Variants in PRRT1 observed in about 807,000 individuals in gnomAD.
The protein encoded by PRRT1 is proline rich transmembrane protein 1.
In PRRT1, 8 loss-of-function variants were observed where a neutral mutation model predicts 22.6. That is an observed-to-expected ratio of 0.35 (90% CI 0.21 to 0.64). The LOEUF (loss-of-function observed/expected upper bound fraction) is 0.64, where lower values mean the gene tolerates loss of function less well. PRRT1 is among the 30% of genes least tolerant of loss of function. The pLI is 0.69. For synonymous variants in PRRT1, 176 were observed against 203.6 expected (o/e 0.86, Z 1.15); for missense variants, 315 against 444.5 (o/e 0.71, Z 2.62).
chr6:32,151,977 C>CGGGGGGGG, upstream of PRRT1: 2 of 88,772 alleles, frequency 2.3e-5, no homozygotes, highest in South Asian at 5.1e-5. Flanking sequence ...GGGGGGCGGG[C>CGGGGGGGG]GGAGGGAGAG....
At chr6:32,152,354 GC>G (rs1332890377), upstream of PRRT1, among the ~76,000 whole-genome samples, 1 of 152,056 alleles carries the variant, frequency 6.6e-6, no homozygotes, top group Non-Finnish European at 1.5e-5. Flanking sequence ...CAAATCCTTG[GC>G]CCCAGTTTCC....
upstream of PRRT1, chr6:32,151,964 C>CGGGGGGGGG: frequency 2.8e-5 from 3 of 107,894 alleles, no homozygotes; most frequent in South Asian, 4.8e-5. Flanking sequence ...GGGGGGGGGG[C>CGGGGGGGGG]GGGGGGGGCG....
chr6:32,148,451 G>C lies in PRRT1; in HGVS notation c.*771C>G, dbSNP rs920923719. 4.7e-5 allele frequency: 12 copies of C among 257,978 alleles called. No homozygotes were observed. Among genetic ancestry groups the C allele is most frequent in the African/African-American group, 2.4e-4 (11 of 45,280 alleles). 16.0% of individuals were successfully genotyped at this position (257,978 alleles called of 1,614,324 possible). A position where few individuals can be genotyped will look rare whatever the true frequency, so the allele number is the denominator to read the frequency against. On this transcript the variant is annotated 3_prime_UTR_variant, in exon 4 of 4. Coordinates refer to ENST00000211413, the MANE Select transcript of PRRT1 (RefSeq NM_030651.4). This position sits in a 1 kb window ranked among gnomAD's most constrained non-coding sequence, Gnocchi z 5.7. ...AAGGCGGGGCCGCCGAGGGGAGCGG[G>C]GAGCGGGGACTTGGGAGGTCCATAG...
chr6:32,148,917 G>C lies in PRRT1; in HGVS notation c.*305C>G, dbSNP rs1225342490. The C allele has an allele frequency of 1.1e-5, 7 of 662,310 alleles. No individual in the cohort carries two copies. The highest frequency in any genetic ancestry group is 9.0e-5 in the South Asian group (6 of 66,398). 41.0% of individuals were successfully genotyped at this position (662,310 alleles called of 1,614,324 possible). A position where few individuals can be genotyped will look rare whatever the true frequency, so the allele number is the denominator to read the frequency against. On this transcript the variant is annotated 3_prime_UTR_variant, in exon 4 of 4. Coordinates refer to ENST00000211413, the MANE Select transcript of PRRT1 (RefSeq NM_030651.4). The surrounding 1 kb of genome is among the most constrained non-coding windows in gnomAD (Gnocchi z 5.7). ...GGCGGGGTTTTAGGGACCAAACCGAGGTTGCTCGGTTGGGGGCGCTACACT... is the reference window on the plus strand; with the variant it reads ...GGCGGGGTTTTAGGGACCAAACCGACGTTGCTCGGTTGGGGGCGCTACACT...
rs893267885 is a variant in PRRT1, at chr6:32,149,613, T to C, written c.668A>G (p.Tyr223Cys). The C allele has an allele frequency of 6.2e-7, 1 of 1,612,862 alleles. No individual in the cohort carries two copies. Residue 223 changes from tyrosine to cysteine, a missense_variant, in exon 3 of 4, where the codon TAC (tyrosine) becomes TGC (cysteine). Transcript: ENST00000211413. The surrounding 1 kb of genome is among the most constrained non-coding windows in gnomAD (Gnocchi z 8.7). ...LLEPRRPPHD[Y>C]MPIAVLTTIC... ...GGTGGTCAGCACCGCGATGGGCATG[T>C]AGTCGTGTGGCGGGCGCCTCGGCTC...
chr6:32,149,125 AAACG>A lies in PRRT1; in HGVS notation c.*93_*96del. 1 of 1,284,618 alleles carries A rather than the reference AAACG, an allele frequency of 7.8e-7. No homozygotes were observed. The highest frequency in any genetic ancestry group is 1.1e-6 in the Non-Finnish European group (1 of 897,106). 79.6% of individuals were successfully genotyped at this position (1,284,618 alleles called of 1,614,324 possible). A position where few individuals can be genotyped will look rare whatever the true frequency, so the allele number is the denominator to read the frequency against. On this transcript the variant is annotated 3_prime_UTR_variant, in exon 4 of 4. Coordinates refer to ENST00000211413, the MANE Select transcript of PRRT1 (RefSeq NM_030651.4). This position sits in a 1 kb window ranked among gnomAD's most constrained non-coding sequence, Gnocchi z 8.7. ...ATGTATCCAAGTCTGACGGCCCCAG[AAACG>A]GGTGTGCAGGGCGCCCATTGGGTCC... is the stretch of plus-strand genomic sequence containing the variant.
chr6:32,151,763 G>C, intron 1 of PRRT1, 46 bp downstream of exon 1: 2 of 1,427,914 alleles, frequency 1.4e-6, no homozygotes, highest in Non-Finnish European at 2.0e-6. Context: ...GGGACGGAGA[G>C]TCTGGAGACA....
chr6:32,150,743 T>A lies in PRRT1; in HGVS notation c.183A>T (p.Ala61=), dbSNP rs1175477236. The change falls in exon 2 of 4, where the codon GCA becomes GCT. Residue 61 remains alanine (A), a synonymous_variant. Transcript: ENST00000211413. This position sits in a 1 kb window ranked among gnomAD's most constrained non-coding sequence, Gnocchi z 7.2. ...TGGCCGCGGAAGAGGCCAGGCCCCC[T>A]GCCCCTAAGCGCGGGAGGGTGGCGG... is the stretch of plus-strand genomic sequence containing the variant. ...SGTATLPRLG[A]GGLASSAATA... is the part of the protein sequence containing the mutation. The A allele has an allele frequency of 2.0e-6, 3 of 1,522,332 alleles. No individual in the cohort carries two copies. Among genetic ancestry groups the A allele is most frequent in the Non-Finnish European group, 2.6e-6 (3 of 1,134,370 alleles). 94.3% of individuals were successfully genotyped at this position (1,522,332 alleles called of 1,614,324 possible).
At position 32,148,639 on chromosome 6, in the gene PRRT1, A is replaced by C; in HGVS notation, c.*583T>G. ...CAAAAGGAAAGGTTCTGGGATTAGC[A>C]AGAAAATAGGCAGATACCTGGGTGG... On this transcript the variant is annotated 3_prime_UTR_variant, in exon 4 of 4. Transcript: ENST00000211413. The surrounding 1 kb of genome is among the most constrained non-coding windows in gnomAD (Gnocchi z 5.7). 1 of 364,298 alleles carries C rather than the reference A, an allele frequency of 2.7e-6. No homozygotes were observed. The highest frequency in any genetic ancestry group is 5.5e-6 in the Non-Finnish European group (1 of 183,120). The allele number at this position is 364,298 out of a possible 1,614,324, so 22.6% of individuals were successfully genotyped here.
chr6:32,151,854 C>T lies in PRRT1; in HGVS notation c.-27G>A. ...CCTGCGGTCTCGCTGGGACAGGGTC[C>T]CTGCAGCCGGAGTGGGGGTCCTCGG... On this transcript the variant is annotated 5_prime_UTR_variant, in exon 1 of 4. Coordinates refer to ENST00000211413, the MANE Select transcript of PRRT1 (RefSeq NM_030651.4). 6.2e-7 allele frequency: 1 copy of T among 1,608,980 alleles called. No homozygotes were observed. The highest frequency in any genetic ancestry group is 8.5e-7 in the Non-Finnish European group (1 of 1,178,568).
chr6:32,149,193 C>A lies in PRRT1; in HGVS notation c.*29G>T, dbSNP rs758752741. On this transcript the variant is annotated 3_prime_UTR_variant, in exon 4 of 4. Coordinates refer to ENST00000211413, the MANE Select transcript of PRRT1 (RefSeq NM_030651.4). This position sits in a 1 kb window ranked among gnomAD's most constrained non-coding sequence, Gnocchi z 8.7. ...AGAAAGAGCCTGGGAGATCGAGGGG[C>A]GCAGAGTGGGGCCGGACCAGGGGCG... 3.1e-6 allele frequency: 5 copies of A among 1,607,898 alleles called. No homozygotes were observed. The Admixed American group carries it at 8.4e-5, about 27-fold the overall frequency.
Position 32,149,684 on chromosome 6 carries a change from G to A in PRRT1, c.597C>T (p.Thr199=). 1 of 1,609,612 alleles carries A rather than the reference G, an allele frequency of 6.2e-7. No individual in the cohort carries two copies. The highest frequency in any genetic ancestry group is 8.5e-7 in the Non-Finnish European group (1 of 1,178,516). ...AGGTPGGTGV[T]STLPPPPQGP... is the part of the protein sequence containing the mutation. ...CCTGGGGCGGCGGGGGGAGAGTGGA[G>A]GTCACTCCTGTTCCCCCCGGGGTCC... The change falls in exon 3 of 4, where the codon ACC becomes ACT. Residue 199 remains threonine (T), a synonymous_variant. Coordinates refer to ENST00000211413, the MANE Select transcript of PRRT1 (RefSeq NM_030651.4). This position sits in a 1 kb window ranked among gnomAD's most constrained non-coding sequence, Gnocchi z 8.7.
At chr6:32,151,999 G>GGGGGGGGT, upstream of PRRT1, 3 of 371,718 alleles carry the variant, frequency 8.1e-6, no homozygotes, top group South Asian at 1.8e-5. Flanking sequence ...GGGGAGGGGG[G>GGGGGGGGT]GAGCTTAAAG....
upstream of PRRT1, among the ~76,000 whole-genome samples, chr6:32,152,619 C>T (rs1310487555): frequency 6.6e-6 from 1 of 152,076 alleles, no homozygotes; most frequent in African/African-American, 2.4e-5. Context: ...GGGGGTATGA[C>T]TTAACTGCTC....
upstream of PRRT1, chr6:32,151,999 GGAGCTTAAA>G: frequency 5.4e-6 from 2 of 371,696 alleles, no homozygotes; most frequent in Non-Finnish European, 1.1e-5. Context: ...GGGGAGGGGG[GGAGCTTAAA>G]GGGACCGAGG....
upstream of PRRT1, chr6:32,151,984 A>AGGGGGGGGGGGGGGGGGGGGGGGGGG: frequency 1.3e-5 from 1 of 76,806 alleles, no homozygotes; most frequent in Non-Finnish European, 2.5e-5. Flanking sequence ...GGGCGGAGGG[A>AGGGGGGGGGGGGGGGGGGGGGGGGGG]GAGCGGGGAG....
At chr6:32,152,202 T>C (rs1783364373), upstream of PRRT1, 5 of 603,630 alleles carry the variant, frequency 8.3e-6, no homozygotes, top group Non-Finnish European at 1.6e-5. Flanking sequence ...AGGAGAACTC[T>C]CTGGAGTCTC....
rs778674474 is a variant in PRRT1 at position 32,149,702 on chromosome 6, C to T, written c.579G>A (p.Pro193=). 1.9e-6 allele frequency: 3 copies of T among 1,592,840 alleles called. No individual in the cohort carries two copies. Among genetic ancestry groups the T allele is most frequent in the South Asian group, 2.2e-5 (2 of 89,258 alleles). ...PVGTPYAGGT[P]GGTGVTSTLP... is the part of the protein sequence containing the mutation. Reference sequence around the variant, plus strand: ...GAGTGGAGGTCACTCCTGTTCCCCCCGGGGTCCCGCCTGCATATGGCTGTG... The same window carrying T: ...GAGTGGAGGTCACTCCTGTTCCCCCTGGGGTCCCGCCTGCATATGGCTGTG... The change falls in exon 3 of 4, where the codon CCG becomes CCA. Residue 193 remains proline, a synonymous_variant. Coordinates refer to ENST00000211413, the MANE Select transcript of PRRT1 (RefSeq NM_030651.4). This position sits in a 1 kb window ranked among gnomAD's most constrained non-coding sequence, Gnocchi z 8.7.
upstream of PRRT1, chr6:32,151,973 C>CGGGG: frequency 3.6e-5 from 3 of 84,032 alleles, no homozygotes; most frequent in South Asian, 1.1e-4. Context: ...GCGGGGGGGG[C>CGGGG]GGGCGGAGGG....
Sources: gnomAD v4.1 joint callset for allele counts (sites outside exome capture counted in the v4.1 genomes callset) on GRCh38, gnomAD v4.1.1 for gene constraint, Gnocchi (gnomAD v3.1) non-coding constraint, MANE v1.5 for transcripts, NCBI Gene and HGNC (gene_info 2026-07-23, HGNC 2026-07-21) for gene names.